The following PCDH7 variants were observed in gnomAD, a reference collection of about 807,000 sequenced individuals.
PCDH7 encodes protocadherin 7.
PCDH7 carries 17 observed loss-of-function variants against 58.9 expected under a neutral mutation model. The observed-to-expected ratio is 0.29, with a 90% CI of 0.20 to 0.43. The LOEUF (loss-of-function observed/expected upper bound fraction) is 0.43, where lower values mean the gene tolerates loss of function less well. Among genes scored for constraint, PCDH7 ranks in the 20% least tolerant of loss-of-function variants. The pLI is 1.00. For missense variants in PCDH7, 1,274 were observed against 1,441.0 expected, an observed-to-expected ratio of 0.88 and a Z score of 1.88; for synonymous variants, 664 against 616.4, an observed-to-expected ratio of 1.08 and a Z score of -1.14.
chr4:31,116,516 G>A (rs1717001313), intron 3 of PCDH7, among the ~76,000 whole-genome samples: 3 of 152,120 alleles, frequency 2.0e-5, no homozygotes, highest in African/African-American at 7.2e-5. Flanking sequence ...ATTTTCGGTG[G>A]CACTGGCACC....
intron 3 of PCDH7, among the ~76,000 whole-genome samples, chr4:31,010,367 T>G (rs1753078304): frequency 6.6e-6 from 1 of 151,986 alleles, no homozygotes. Context: ...GCTTGTTTTT[T>G]GCTTTCTGTA....
chr4:30,740,862 A>G lies in PCDH7; in HGVS notation c.70+16266A>G, dbSNP rs376795535. Among the ~76,000 whole-genome samples, 115 of 137,734 alleles carry G rather than the reference A, an allele frequency of 8.3e-4. 2 individuals carry two copies. In the South Asian group the frequency reaches 0.026, roughly 32 times the overall value. 90.4% of individuals were successfully genotyped at this position (137,734 alleles called of 152,430 possible). ...TTTACTTCTTATTAAAAGCATTTAT[A>G]TAAATTTTTATGATACATGCTTTTT... On this transcript the variant is annotated intron_variant, in intron 1 of 3. Transcript: ENST00000509759.
chr4:31,140,618 A>G (rs1720132480), intron 3 of PCDH7, among the ~76,000 whole-genome samples: 1 of 151,540 alleles, frequency 6.6e-6, no homozygotes, highest in African/African-American at 2.4e-5. Flanking sequence ...TAAAAAAAAA[A>G]AAAAAAGAAA....
At chr4:30,833,755 T>C (rs1730110439) in intron 1 of PCDH7, among the ~76,000 whole-genome samples, 1 of 152,184 alleles carries the variant, frequency 6.6e-6, no homozygotes, top group Non-Finnish European at 1.5e-5. Context: ...GATCAGAACT[T>C]GAATCGCTTA....
chr4:31,090,975 T>C (rs983184058), intron 3 of PCDH7, among the ~76,000 whole-genome samples: 2 of 152,068 alleles, frequency 1.3e-5, no homozygotes, highest in Admixed American at 1.3e-4. Context: ...TGAAAAACAC[T>C]TGATGAAGTA....
intron 1 of PCDH7, among the ~76,000 whole-genome samples, chr4:30,729,553 A>G (rs942503845): frequency 1.3e-5 from 2 of 152,086 alleles, no homozygotes; most frequent in Non-Finnish European, 2.9e-5. Context: ...CAGAACAATG[A>G]TAACAGACAT....
intron 3 of PCDH7, among the ~76,000 whole-genome samples, chr4:31,104,168 A>G (rs1235791609): frequency 6.6e-6 from 1 of 152,158 alleles, no homozygotes; most frequent in African/African-American, 2.4e-5. Flanking sequence ...TGTCTTTTTC[A>G]GTATACTGTG....
At chr4:30,897,726 G>A (rs116333163) in intron 1 of PCDH7, among the ~76,000 whole-genome samples, 3,324 of 152,246 alleles carry the variant, frequency 0.022, 55 homozygotes, top group Non-Finnish European at 0.033. Context: ...AGCACACATA[G>A]CTGTTTATCT....
At chr4:30,988,581 A>G (rs1751189597) in intron 3 of PCDH7, among the ~76,000 whole-genome samples, 1 of 152,168 alleles carries the variant, frequency 6.6e-6, no homozygotes, top group Non-Finnish European at 1.5e-5. Flanking sequence ...TTTGTGAACT[A>G]TTTATCATTT....
At chr4:30,916,896 G>T (rs1288358679) in intron 1 of PCDH7, among the ~76,000 whole-genome samples, 2 of 152,178 alleles carry the variant, frequency 1.3e-5, no homozygotes, top group African/African-American at 4.8e-5. Context: ...CTGGGTTTAA[G>T]TTGGGACCAG....
intron 1 of PCDH7, among the ~76,000 whole-genome samples, chr4:30,815,657 T>C (rs1324327026): frequency 6.6e-6 from 1 of 152,200 alleles, no homozygotes; most frequent in Non-Finnish European, 1.5e-5. Flanking sequence ...TGAGCGTTCC[T>C]AAAGGAAGAT....
intron 1 of PCDH7, among the ~76,000 whole-genome samples, chr4:30,855,418 T>C (rs1383285941): frequency 1.3e-5 from 2 of 152,152 alleles, no homozygotes; most frequent in Non-Finnish European, 2.9e-5. Context: ...CTTGGTGTGA[T>C]TGTGATTAAC....
intron 1 of PCDH7, among the ~76,000 whole-genome samples, chr4:30,727,923 T>A (rs750497346): frequency 6.6e-6 from 1 of 151,892 alleles, no homozygotes; most frequent in Non-Finnish European, 1.5e-5. Flanking sequence ...ATTTAGATAA[T>A]GCACTTACAA....
At chr4:30,885,844 C>G (rs1737662250) in intron 1 of PCDH7, among the ~76,000 whole-genome samples, 1 of 152,130 alleles carries the variant, frequency 6.6e-6, no homozygotes, top group Admixed American at 6.6e-5. Flanking sequence ...TGATCTTTGA[C>G]AAACCTGAGA....
At chr4:31,111,797 T>C (rs924434137) in intron 3 of PCDH7, among the ~76,000 whole-genome samples, 1 of 152,218 alleles carries the variant, frequency 6.6e-6, no homozygotes, top group African/African-American at 2.4e-5. Context: ...CAAAGAATTA[T>C]AGTTTTTACA....
At chr4:30,919,565 C>T (rs1304441400) in intron 1 of PCDH7, among the ~76,000 whole-genome samples, 1 of 152,002 alleles carries the variant, frequency 6.6e-6, no homozygotes, top group Admixed American at 6.6e-5. Flanking sequence ...TGCAATATGA[C>T]TCTTACAATT....
intron 3 of PCDH7, among the ~76,000 whole-genome samples, chr4:30,953,371 G>A (rs919027621): frequency 3.3e-5 from 5 of 151,500 alleles, no homozygotes; most frequent in Admixed American, 2.6e-4. Flanking sequence ...TTCTTTTTTG[G>A]TTTATAGCCC....
intron 3 of PCDH7, among the ~76,000 whole-genome samples, chr4:31,054,567 C>T (rs1757003313): frequency 6.6e-6 from 1 of 152,176 alleles, no homozygotes; most frequent in African/African-American, 2.4e-5. Context: ...AGATCTGGTG[C>T]TTCTAACACA....
intron 1 of PCDH7, among the ~76,000 whole-genome samples, chr4:30,810,583 AT>A (rs1466919886): frequency 1.3e-5 from 2 of 151,522 alleles, no homozygotes; most frequent in African/African-American, 4.9e-5. Context: ...TTTCTTGTAA[AT>A]TATGATTTTT....
Sources: gnomAD v4.1 joint callset for allele counts (sites outside exome capture counted in the v4.1 genomes callset) on GRCh38, gnomAD v4.1.1 for gene constraint, MANE v1.5 for transcripts, NCBI Gene and HGNC (gene_info 2026-07-23, HGNC 2026-07-21) for gene names.